Variants in GDA observed in about 807,000 individuals in gnomAD.
GDA encodes the protein guanine deaminase.
A neutral mutation model predicts 59.6 loss-of-function variants in GDA; 18 were observed. That is an observed-to-expected ratio of 0.30 (90% CI 0.21 to 0.45). The LOEUF is 0.45. Ranked by LOEUF, GDA falls within the 20% of genes least tolerant of loss-of-function variation. The pLI is 1.00. For missense variants in GDA, 427 were observed against 552.3 expected, an observed-to-expected ratio of 0.77 and a Z score of 2.27; for synonymous variants, 201 against 201.1, an observed-to-expected ratio of 1.00 and a Z score of 0.00.
intron 1 of GDA, among the ~76,000 whole-genome samples, chr9:72,175,125 T>G (rs147359397): frequency 2.0e-4 from 31 of 152,276 alleles, no homozygotes; most frequent in African/African-American, 7.5e-4. Flanking sequence ...AACCATTTTC[T>G]TTATCCTAAA....
At chr9:72,158,933 G>A (rs944681567) in intron 1 of GDA, among the ~76,000 whole-genome samples, 5 of 151,956 alleles carry the variant, frequency 3.3e-5, no homozygotes, top group African/African-American at 1.2e-4. Flanking sequence ...GGAAACGGAG[G>A]CTCGGAGAGT....
In GDA at chr9:72,250,614, T is replaced by A; in HGVS notation, c.*2272T>A. On this transcript the variant is annotated 3_prime_UTR_variant, in exon 14 of 14. Transcript: ENST00000358399. ...TTTTCTGTACCACAGGCATTATCTA[T>A]ACCTGGGGCCAGATTTTCTGCACTT... 6.4e-7 allele frequency: 1 copy of A among 1,572,356 alleles called. No individual in the cohort carries two copies. The highest frequency in any genetic ancestry group is 8.6e-7 in the Non-Finnish European group (1 of 1,164,668).
At chr9:72,230,649 C>T (rs1838230992) in intron 9 of GDA, among the ~76,000 whole-genome samples, 1 of 151,998 alleles carries the variant, frequency 6.6e-6, no homozygotes, top group South Asian at 2.1e-4. Flanking sequence ...GGCTGCACCC[C>T]TTTTTCTAGT....
intron 1 of GDA, among the ~76,000 whole-genome samples, chr9:72,137,371 C>T (rs548683385): frequency 1.1e-4 from 17 of 151,040 alleles, no homozygotes; most frequent in East Asian, 9.8e-4. Flanking sequence ...CTCAGCCTCC[C>T]GAGTAGCTGG....
rs537547071 is a variant in GDA at position 72,118,990 on chromosome 9, G to A, written c.-100+4157G>A. 2.6e-5 allele frequency among the ~76,000 whole-genome samples: 4 copies of A among 152,140 alleles called. No homozygotes were observed. In the East Asian group the frequency reaches 7.7e-4, roughly 29 times the overall value. ...TTAAGTTTTACATATTTATTGAATG[G>A]TCACTAAATATTAATGAAATTGATA... On this transcript the variant is annotated intron_variant, in intron 1 of 13. Coordinates refer to the GDA transcript ENST00000545168.
At chr9:72,150,412 C>T (rs995250103) in intron 1 of GDA, among the ~76,000 whole-genome samples, 37 of 152,090 alleles carry the variant, frequency 2.4e-4, no homozygotes, top group Non-Finnish European at 8.8e-5. Context: ...AAAATGTCTT[C>T]TTTGAATGTA....
At chr9:72,147,156 T>G (rs190013119), upstream of GDA, among the ~76,000 whole-genome samples, 219 of 152,362 alleles carry the variant, frequency 1.4e-3, no homozygotes, top group African/African-American at 4.9e-3. Context: ...GCAAATATGC[T>G]TATAGCTTTT....
intron 1 of GDA, among the ~76,000 whole-genome samples, chr9:72,168,231 A>T (rs1001166781): frequency 1.3e-5 from 2 of 151,858 alleles, no homozygotes; most frequent in African/African-American, 4.8e-5. Context: ...ATCCCTCTGT[A>T]CAAAACAAAC....
intron 1 of GDA, among the ~76,000 whole-genome samples, chr9:72,181,394 T>A (rs950756838): frequency 3.9e-5 from 6 of 152,158 alleles, no homozygotes; most frequent in Non-Finnish European, 7.3e-5. Context: ...GGCGCGATCT[T>A]GGCTCACTGA....
downstream of GDA, chr9:72,256,897 A>C (rs1413107320): frequency 1.3e-5 from 2 of 152,256 alleles, no homozygotes; most frequent in Admixed American, 6.5e-5. Context: ...GCTAATGAAG[A>C]GAAGGCACCA....
At chr9:72,137,587 G>T (rs1826285890) in intron 1 of GDA, among the ~76,000 whole-genome samples, 1 of 151,898 alleles carries the variant, frequency 6.6e-6, no homozygotes, top group African/African-American at 2.4e-5. Context: ...AGACTCTGTG[G>T]TGCTTCTAGA....
intron 1 of GDA, among the ~76,000 whole-genome samples, chr9:72,126,566 CTTTTT>C (rs72370881): frequency 1.1e-4 from 15 of 133,652 alleles, no homozygotes; most frequent in Admixed American, 2.3e-4. Context: ...CCTGGTTAGT[CTTTTT>C]TTTTTTTTTT....
intron 1 of GDA, among the ~76,000 whole-genome samples, chr9:72,187,533 T>C (rs1832009637): frequency 6.6e-6 from 1 of 152,210 alleles, no homozygotes; most frequent in African/African-American, 2.4e-5. Context: ...CAATCTGTGG[T>C]ATTCTGTTGT....
At chr9:72,256,144 T>C (rs1840877230), downstream of GDA, among the ~76,000 whole-genome samples, 1 of 152,200 alleles carries the variant, frequency 6.6e-6, no homozygotes, top group Non-Finnish European at 1.5e-5. Context: ...AAAGGTTAAT[T>C]AGTTGGTTTT....
intron 1 of GDA, among the ~76,000 whole-genome samples, chr9:72,143,580 T>C (rs1358530504): frequency 6.6e-6 from 1 of 152,128 alleles, no homozygotes; most frequent in African/African-American, 2.4e-5. Context: ...GCCAGAAAAA[T>C]ATCTCCCTGC....
At chr9:72,161,503 G>T (rs577109242) in intron 1 of GDA, among the ~76,000 whole-genome samples, 31 of 152,012 alleles carry the variant, frequency 2.0e-4, no homozygotes, top group Non-Finnish European at 3.7e-4. Flanking sequence ...TTTATGTCCT[G>T]GTGAGTAATT....
Position 72,248,680 on chromosome 9 carries a change from AG to A in GDA, c.*339del. 9.7e-7 allele frequency: 1 copy of A among 1,033,990 alleles called. No individual in the cohort carries two copies. 64.1% of individuals were successfully genotyped at this position (1,033,990 alleles called of 1,614,324 possible). ...TCATATTTGAAAATGTGGAAAGAAA[AG>A]ATGTTCCTAAAAGGTTAGATATTTT... On this transcript the variant is annotated 3_prime_UTR_variant, in exon 14 of 14. Coordinates refer to ENST00000358399, the MANE Select transcript of GDA (RefSeq NM_004293.5).
intron 1 of GDA, among the ~76,000 whole-genome samples, chr9:72,117,786 ATAGT>A (rs1300117600): frequency 6.6e-6 from 1 of 152,142 alleles, no homozygotes; most frequent in Non-Finnish European, 1.5e-5. Flanking sequence ...GAGTTGGGTG[ATAGT>A]TACTTTCTTT....
intron 9 of GDA, among the ~76,000 whole-genome samples, chr9:72,229,912 G>A (rs982466575): frequency 1.6e-4 from 25 of 152,156 alleles, no homozygotes; most frequent in African/African-American, 6.0e-4. Context: ...ACTATAATTA[G>A]GGTCTAGTTA....
Sources: gnomAD v4.1 joint callset for allele counts (sites outside exome capture counted in the v4.1 genomes callset) on GRCh38, gnomAD v4.1.1 for gene constraint, MANE v1.5 for transcripts, NCBI Gene and HGNC (gene_info 2026-07-23, HGNC 2026-07-21) for gene names.